Variants in CELF6 observed in about 807,000 individuals in gnomAD.
The protein encoded by CELF6 is CUGBP Elav-like family member 6.
A neutral mutation model predicts 53.1 loss-of-function variants in CELF6; 32 were observed. The ratio of observed to expected loss-of-function variants is 0.60; its 90% CI spans 0.46 to 0.81. The LOEUF (loss-of-function observed/expected upper bound fraction) is 0.81, where lower values mean the gene tolerates loss of function less well. Ranked by LOEUF, CELF6 falls within the 30% of genes least tolerant of loss-of-function variation. The pLI, the probability that CELF6 is intolerant of heterozygous loss-of-function variation, is 0.00. For missense variants in CELF6, 539 were observed against 669.5 expected (o/e 0.81, Z 2.15); for synonymous variants, 291 against 288.8 (o/e 1.01, Z -0.08).
At chr15:72,303,249 A>T (rs534219609) in intron 3 of CELF6, among the ~76,000 whole-genome samples, 1 of 152,354 alleles carries the variant, frequency 6.6e-6, no homozygotes, top group African/African-American at 2.4e-5. Context: ...TTACATGAAC[A>T]TGAAGTTTTG....
chr15:72,315,000 T>C (rs1447063912), intron 2 of CELF6, among the ~76,000 whole-genome samples: 2 of 152,314 alleles, frequency 1.3e-5, no homozygotes, highest in South Asian at 2.1e-4. Flanking sequence ...CAAACTATTA[T>C]TCCAAATATA....
At chr15:72,315,503 AC>A (rs2088351216) in intron 2 of CELF6, among the ~76,000 whole-genome samples, 1 of 152,140 alleles carries the variant, frequency 6.6e-6, no homozygotes, top group African/African-American at 2.4e-5. Context: ...CAGAACCTCT[AC>A]CCCATGTATC....
At chr15:72,294,200 T>C (rs1046786187) in intron 3 of CELF6, among the ~76,000 whole-genome samples, 1 of 152,220 alleles carries the variant, frequency 6.6e-6, no homozygotes, top group Non-Finnish European at 1.5e-5. Context: ...AGCGTCTGCC[T>C]CATGTTGCTC....
At chr15:72,315,789 A>T in intron 2 of CELF6, 56 bp downstream of exon 2, 2 of 1,251,146 alleles carry the variant, frequency 1.6e-6, no homozygotes, top group Non-Finnish European at 2.3e-6. Flanking sequence ...TGGCATGCAC[A>T]CAGGGCACTG....
In CELF6 at chr15:72,289,645, G is replaced by A. The variant is rs766517112; in HGVS notation, c.729C>T (p.Cys243=). 6.7e-7 allele frequency: 1 copy of A among 1,502,196 alleles called. No individual in the cohort carries two copies. Among genetic ancestry groups the A allele is most frequent in the Non-Finnish European group, 8.8e-7 (1 of 1,134,386 alleles). The allele number at this position is 1,502,196 out of a possible 1,614,324, so 93.1% of individuals were successfully genotyped here. A position where few individuals can be genotyped will look rare whatever the true frequency, so the allele number is the denominator to read the frequency against. Residue 243 remains cysteine, a synonymous_variant, in exon 6 of 13, where the codon TGC becomes TGT. Coordinates refer to ENST00000287202, the MANE Select transcript of CELF6 (RefSeq NM_052840.5). The surrounding 1 kb of genome is among the most constrained non-coding windows in gnomAD (Gnocchi z 7.6). ...TACCTACCGCCGTGGTGTAGGCGCCGCAGGCCCCTAGCGGCAGTGGCGCGG... is the reference window on the plus strand; with the variant it reads ...TACCTACCGCCGTGGTGTAGGCGCCACAGGCCCCTAGCGGCAGTGGCGCGG... ...FHPAPLPLGA[C]GAYTTAILQH...
At chr15:72,293,058 G>A (rs1396530851) in intron 3 of CELF6, among the ~76,000 whole-genome samples, 7 of 152,142 alleles carry the variant, frequency 4.6e-5, no homozygotes, top group Admixed American at 4.6e-4. Context: ...CCCTGTCAGG[G>A]CACTGACCCT....
chr15:72,307,275 G>A (rs2088243794), intron 2 of CELF6, among the ~76,000 whole-genome samples: 1 of 152,100 alleles, frequency 6.6e-6, no homozygotes, highest in Admixed American at 6.5e-5. Context: ...CTTCAACAGA[G>A]AGTGGGCATC....
chr15:72,306,807 G>A (rs944604715), intron 2 of CELF6, among the ~76,000 whole-genome samples: 8 of 152,056 alleles, frequency 5.3e-5, no homozygotes, highest in Non-Finnish European at 7.4e-5. Flanking sequence ...GACAGGACCC[G>A]TCCCTGGGCA....
At chr15:72,314,589 G>GTTTTT (rs984879836) in intron 2 of CELF6, among the ~76,000 whole-genome samples, 6 of 97,840 alleles carry the variant, frequency 6.1e-5, no homozygotes, top group Non-Finnish European at 7.6e-5. Context: ...AAAACCCAGT[G>GTTTTT]TTTTTTTTTT....
At position 72,319,526 on chromosome 15, in the gene CELF6, C is replaced by G; in HGVS notation, c.262+87G>C. 7.2e-7 allele frequency: 1 copy of G among 1,393,988 alleles called. No homozygotes were observed. The highest frequency in any genetic ancestry group is 9.4e-7 in the Non-Finnish European group (1 of 1,060,522). The allele number at this position is 1,393,988 out of a possible 1,614,324, so 86.4% of individuals were successfully genotyped here. ...ATTGGACTGGTGTTGGACTGGCTCT[C>G]GGCAGGGCTAGGGCTGGGGCTGGGC... On this transcript the variant is annotated intron_variant, in intron 1 of 12. Transcript: ENST00000287202. This position sits in a 1 kb window ranked among gnomAD's most constrained non-coding sequence, Gnocchi z 5.0.
At chr15:72,300,036 A>C (rs1595779982) in intron 3 of CELF6, among the ~76,000 whole-genome samples, 1 of 152,286 alleles carries the variant, frequency 6.6e-6, no homozygotes, top group East Asian at 1.9e-4. Flanking sequence ...TCGAATTAAC[A>C]AGTGTTACCA....
intron 3 of CELF6, among the ~76,000 whole-genome samples, chr15:72,301,660 T>C (rs1186258033): frequency 6.6e-6 from 1 of 151,946 alleles, no homozygotes; most frequent in African/African-American, 2.4e-5. Flanking sequence ...AAGACTTAAA[T>C]GGGACACGCT....
chr15:72,291,654 CA>C (rs1393151394), intron 3 of CELF6, among the ~76,000 whole-genome samples: 2 of 152,170 alleles, frequency 1.3e-5, no homozygotes, highest in Admixed American at 1.3e-4. Flanking sequence ...AAATCTCCAA[CA>C]AGACTATGTG....
rs1195330296 is a variant in CELF6 at position 72,288,463 on chromosome 15, G to T, written c.1175-12C>A. 1.7e-5 allele frequency: 28 copies of T among 1,614,086 alleles called. No individual in the cohort carries two copies. Among genetic ancestry groups the T allele is most frequent in the Non-Finnish European group, 2.2e-5 (26 of 1,180,048 alleles). On this transcript the variant is annotated splice_polypyrimidine_tract_variant and intron_variant, in intron 10 of 12. Transcript: ENST00000287202. The surrounding 1 kb of genome is among the most constrained non-coding windows in gnomAD (Gnocchi z 4.6). ...ACAGCCTTCGGGGCCTGGAGGAACA[G>T]TAGCAAGCTGGTTCAGGGGAAGGAC...
rs772070205 is a variant in CELF6 at position 72,288,637 on chromosome 15, G to A, written c.1094-19C>T. Reference sequence around the variant, plus strand: ...TAGGCTGCTGGAGACAGAGGTGGGAGTGGACAGTGATCCCCAGGAGCCCTT... The same window carrying A: ...TAGGCTGCTGGAGACAGAGGTGGGAATGGACAGTGATCCCCAGGAGCCCTT... On this transcript the variant is annotated intron_variant, in intron 9 of 12. Transcript: ENST00000287202. The surrounding 1 kb of genome is among the most constrained non-coding windows in gnomAD (Gnocchi z 4.6). The A allele has an allele frequency of 9.0e-6, 14 of 1,553,222 alleles. No homozygotes were observed. Among genetic ancestry groups the A allele is most frequent in the African/African-American group, 1.4e-5 (1 of 73,216 alleles).
intron 3 of CELF6, among the ~76,000 whole-genome samples, chr15:72,295,483 C>A (rs2088065943): frequency 6.6e-6 from 1 of 151,912 alleles, no homozygotes; most frequent in Non-Finnish European, 1.5e-5. Context: ...AATCCCAGCA[C>A]TTTGGGAGGC....
intron 2 of CELF6, among the ~76,000 whole-genome samples, chr15:72,308,607 C>A (rs62022817): frequency 0.055 from 8,418 of 152,208 alleles, 307 homozygotes; most frequent in Middle Eastern, 0.086. Context: ...CTGTGAAAAC[C>A]GCATCAAGGA....
At position 72,289,848 on chromosome 15, in the gene CELF6, G is replaced by A; in HGVS notation, c.604-78C>T. On this transcript the variant is annotated intron_variant, in intron 5 of 12. Coordinates refer to ENST00000287202, the MANE Select transcript of CELF6 (RefSeq NM_052840.5). The surrounding 1 kb of genome is among the most constrained non-coding windows in gnomAD (Gnocchi z 7.6). ...CGGGGCCGAGCGCCTTTCCCATCAGGTCCTTTCGCGGGGCACCGAGCACAC... is the reference window on the plus strand; with the variant it reads ...CGGGGCCGAGCGCCTTTCCCATCAGATCCTTTCGCGGGGCACCGAGCACAC... 1 of 1,496,108 alleles carries A rather than the reference G, an allele frequency of 6.7e-7. No homozygotes were observed. The highest frequency in any genetic ancestry group is 8.9e-7 in the Non-Finnish European group (1 of 1,125,716). The allele number at this position is 1,496,108 out of a possible 1,614,324, so 92.7% of individuals were successfully genotyped here. A position where few individuals can be genotyped will look rare whatever the true frequency, so the allele number is the denominator to read the frequency against.
In CELF6 at chr15:72,312,551, C is replaced by G. The variant is rs146039026; in HGVS notation, c.345+3294G>C. On this transcript the variant is annotated intron_variant, in intron 2 of 12. Transcript: ENST00000287202. ...GGCTGAGGCAGGAGAATCACTTGAA[C>G]CCTGGAGGTGGAGGTTGCAGTGAGC... Among the ~76,000 whole-genome samples, 402 of 152,232 alleles carry G rather than the reference C, an allele frequency of 2.6e-3. 1 individual carries two copies. The highest frequency in any genetic ancestry group is 4.5e-3 in the Non-Finnish European group (305 of 68,018).
Sources: gnomAD v4.1 joint callset for allele counts (sites outside exome capture counted in the v4.1 genomes callset) on GRCh38, gnomAD v4.1.1 for gene constraint, Gnocchi (gnomAD v3.1) non-coding constraint, MANE v1.5 for transcripts, NCBI Gene and HGNC (gene_info 2026-07-23, HGNC 2026-07-21) for gene names.